Variants in THOC1 observed in about 807,000 individuals in gnomAD.
The protein encoded by THOC1 is THO complex subunit 1, also known as THO complex 1.
Under a neutral mutation model 97.3 loss-of-function variants are expected in THOC1, and 29 were observed. The ratio of observed to expected loss-of-function variants is 0.30; its 90% CI spans 0.22 to 0.41. THOC1 has a LOEUF of 0.41. Ranked by LOEUF, THOC1 falls within the 10% of genes least tolerant of loss-of-function variation. The pLI, the probability that THOC1 is intolerant of heterozygous loss-of-function variation, is 1.00. For missense variants in THOC1, 529 were observed against 761.9 expected, an observed-to-expected ratio of 0.69 and a Z score of 3.60; for synonymous variants, 255 against 257.0, an observed-to-expected ratio of 0.99 and a Z score of 0.07.
chr18:246,517 T>C, intron 10 of THOC1, 62 bp from the exon 11 acceptor site: 4 of 1,393,734 alleles, frequency 2.9e-6, no homozygotes, highest in Non-Finnish European at 3.9e-6. Flanking sequence ...AGTGCTTTTC[T>C]GCATCAAAAT....
At chr18:249,668 G>GAAA (rs11399503) in intron 9 of THOC1, among the ~76,000 whole-genome samples, 11 of 121,078 alleles carry the variant, frequency 9.1e-5, no homozygotes, top group South Asian at 4.6e-4. Context: ...TCTCAAAAAA[G>GAAA]AAAAAAAAAA....
intron 11 of THOC1, among the ~76,000 whole-genome samples, chr18:236,280 T>A (rs1911679975): frequency 6.6e-6 from 1 of 152,060 alleles, no homozygotes; most frequent in African/African-American, 2.4e-5. Flanking sequence ...TTAGGTCTGC[T>A]TTTTTCCTTC....
intron 17 of THOC1, among the ~76,000 whole-genome samples, chr18:221,409 A>G (rs1010834993): frequency 3.9e-5 from 6 of 152,082 alleles, no homozygotes; most frequent in African/African-American, 7.2e-5. Context: ...TAAAATGTGT[A>G]TATTTCTATT....
intron 15 of THOC1, among the ~76,000 whole-genome samples, chr18:224,687 C>A (rs570203098): frequency 1.4e-5 from 2 of 143,044 alleles, no homozygotes; most frequent in Non-Finnish European, 2.9e-5. Flanking sequence ...ATACAGTATT[C>A]TTCTCAATAA....
chr18:215,978 G>A (rs981158071), intron 19 of THOC1, among the ~76,000 whole-genome samples: 1 of 152,076 alleles, frequency 6.6e-6, no homozygotes, highest in Admixed American at 6.6e-5. Context: ...TTTTTGAGAC[G>A]GAGTCTTGCT....
At chr18:223,569 T>C (rs369768173) in intron 16 of THOC1, 64 bp from the exon 17 acceptor site, 54 of 1,280,990 alleles carry the variant, frequency 4.2e-5, no homozygotes, top group Admixed American at 2.0e-4. Context: ...GCCTTGAAAC[T>C]GAACAGAAAA....
At chr18:222,770 T>A (rs1307977622) in intron 17 of THOC1, among the ~76,000 whole-genome samples, 1 of 152,196 alleles carries the variant, frequency 6.6e-6, no homozygotes, top group Non-Finnish European at 1.5e-5. Context: ...CTTTGCTCCT[T>A]TGTAGGTTGT....
intron 11 of THOC1, among the ~76,000 whole-genome samples, chr18:233,199 T>C (rs930500233): frequency 1.3e-5 from 2 of 152,246 alleles, no homozygotes; most frequent in Admixed American, 6.5e-5. Context: ...ATACTTTCAA[T>C]TAACCTGGAA....
At chr18:221,734 A>C (rs552853183) in intron 17 of THOC1, among the ~76,000 whole-genome samples, 13 of 148,910 alleles carry the variant, frequency 8.7e-5, no homozygotes, top group Non-Finnish European at 1.5e-5. Flanking sequence ...TCAGCCTCCC[A>C]AGTAGCTGAG....
chr18:214,605 TA>T lies in THOC1; in HGVS notation c.*20del, dbSNP rs753455081. ...GTAACAAAATCTATCACAGTTTTAATAAAAAGAAAAAAAAAAGAAGCTAACT... is the reference window on the plus strand; with the variant it reads ...GTAACAAAATCTATCACAGTTTTAATAAAAGAAAAAAAAAAGAAGCTAACT... On this transcript the variant is annotated 3_prime_UTR_variant, in exon 21 of 21. Transcript: ENST00000261600. The T allele has an allele frequency of 1.9e-6, 3 of 1,579,270 alleles. No homozygotes were observed. The highest frequency in any genetic ancestry group is 2.6e-6 in the Non-Finnish European group (3 of 1,163,332).
intron 11 of THOC1, among the ~76,000 whole-genome samples, chr18:234,007 A>G (rs1010607610): frequency 1.3e-5 from 2 of 152,216 alleles, no homozygotes; most frequent in Non-Finnish European, 2.9e-5. Context: ...ATAAATGTAG[A>G]AACACTGCTC....
At chr18:246,183 A>G (rs78530405) in intron 11 of THOC1, 141 bp downstream of exon 11, 2 of 690,290 alleles carry the variant, frequency 2.9e-6, no homozygotes, top group Admixed American at 7.4e-5. Context: ...GGGACTTTCA[A>G]ACTAACATTA....
chr18:218,959 G>A lies in THOC1; in HGVS notation c.1381C>T (p.Pro461Ser). 6.2e-7 allele frequency: 1 copy of A among 1,601,920 alleles called. No homozygotes were observed. Among genetic ancestry groups the A allele is most frequent in the South Asian group, 1.1e-5 (1 of 88,798 alleles). ...TCTTCAAAGAATTCCTCCAAAGTGG[G>A]CATGTGTTCCCTGAGCGGTACAAAA... ...ACKSETREHM[P>S]TLEEFFEEAI... The change falls in exon 18 of 21, where the codon CCC becomes TCC. Residue 461 changes from proline to serine, a missense_variant. Physicochemically the swap from Pro to Ser is moderately conservative, Grantham distance 74. Coordinates refer to ENST00000261600, the MANE Select transcript of THOC1 (RefSeq NM_005131.3).
At position 224,682 on chromosome 18, in the gene THOC1, GTA is replaced by G. The variant is rs1911215940; in HGVS notation, c.1208+240_1208+241del. Among the ~76,000 whole-genome samples, 3 of 151,156 alleles carry G rather than the reference GTA, an allele frequency of 2.0e-5. No individual in the cohort carries two copies. The South Asian group carries it at 6.2e-4, about 31-fold the overall frequency. ...GCAAATTACACGGAGTAGATATACA[GTA>G]TTCTTCTCAATAATAAGATGTTTGT... On this transcript the variant is annotated intron_variant, in intron 15 of 20. Coordinates refer to ENST00000261600, the MANE Select transcript of THOC1 (RefSeq NM_005131.3).
In THOC1 at chr18:217,248, C is replaced by T. The variant is rs533579193; in HGVS notation, c.1455-615G>A. 2.0e-5 allele frequency among the ~76,000 whole-genome samples: 3 copies of T among 152,348 alleles called. No individual in the cohort carries two copies. The South Asian group carries it at 6.2e-4, about 32-fold the overall frequency. On this transcript the variant is annotated intron_variant, in intron 18 of 20. Coordinates refer to ENST00000261600, the MANE Select transcript of THOC1 (RefSeq NM_005131.3). ...TTACCTTTAGGATGTGCAGGTACCA[C>T]TGAAGACTTAACAAAAACTACCCAT...
At chr18:257,190 C>T (rs924858753) in intron 7 of THOC1, among the ~76,000 whole-genome samples, 8 of 152,080 alleles carry the variant, frequency 5.3e-5, no homozygotes, top group East Asian at 1.9e-4. Context: ...ACAAAACCCA[C>T]GGTATGTCTG....
intron 19 of THOC1, 135 bp downstream of exon 19, chr18:216,351 C>T: frequency 1.1e-6 from 1 of 936,180 alleles, no homozygotes; most frequent in Non-Finnish European, 1.6e-6. Flanking sequence ...TGTGTTTTTC[C>T]CTCATTCTAA....
intron 11 of THOC1, among the ~76,000 whole-genome samples, chr18:237,986 C>T (rs995132132): frequency 2.0e-5 from 3 of 152,108 alleles, no homozygotes; most frequent in Non-Finnish European, 4.4e-5. Context: ...CATGCCTCCG[C>T]CTCTAGGGCA....
chr18:256,733 A>G (rs1343241364), intron 7 of THOC1, among the ~76,000 whole-genome samples: 1 of 152,184 alleles, frequency 6.6e-6, no homozygotes, highest in Non-Finnish European at 1.5e-5. Context: ...TTGATAAAGT[A>G]GCGGCAGGGT....
Sources: allele counts gnomAD v4.1 joint callset (sites outside exome capture counted in the v4.1 genomes callset), GRCh38; gene constraint gnomAD v4.1.1; transcripts MANE v1.5; gene names NCBI Gene and HGNC (gene_info 2026-07-23, HGNC 2026-07-21).